HERC2: variants seen among roughly 807,000 people sequenced by gnomAD.
HERC2 encodes HECT and RLD domain containing E3 ubiquitin protein ligase 2.
In HERC2, 102 loss-of-function variants were observed where a neutral mutation model predicts 537.7. The ratio of observed to expected loss-of-function variants is 0.19; its 90% CI spans 0.16 to 0.22. The LOEUF is 0.22. Ranked by LOEUF, HERC2 falls within the 10% of genes least tolerant of loss-of-function variation. The pLI, the probability that HERC2 is intolerant of heterozygous loss-of-function variation, is 1.00. For missense variants in HERC2, 4,236 were observed against 6,198.2 expected, an observed-to-expected ratio of 0.68 and a Z score of 10.63; for synonymous variants, 2,224 against 2,466.2, an observed-to-expected ratio of 0.90 and a Z score of 2.91.
At chr15:28,173,540 C>A (rs1025859071) in intron 65 of HERC2, among the ~76,000 whole-genome samples, 1 of 151,984 alleles carries the variant, frequency 6.6e-6, no homozygotes, top group Non-Finnish European at 1.5e-5. Context: ...GGCTCCTGCC[C>A]ATAATCCCAG....
Position 28,268,235 on chromosome 15 carries a change from C to A in HERC2, c.1598+230G>T, listed in dbSNP as rs2075622579. 6.6e-6 allele frequency among the ~76,000 whole-genome samples: 1 copy of A among 152,118 alleles called. No homozygotes were observed. On this transcript the variant is annotated intron_variant, in intron 12 of 92. Transcript: ENST00000261609. The surrounding 1 kb of genome is among the most constrained non-coding windows in gnomAD (Gnocchi z 4.7). ...TGAGTAGATAGAAGGCTGGCCAAGG[C>A]TGCACGGGGTCAAGAAGAACAGAAA...
chr15:28,204,975 A>T (rs1898263350), intron 45 of HERC2, among the ~76,000 whole-genome samples: 1 of 152,198 alleles, frequency 6.6e-6, no homozygotes, highest in South Asian at 2.1e-4. Context: ...TAGGGGAACA[A>T]AAATCAAGCC....
intron 16 of HERC2, among the ~76,000 whole-genome samples, chr15:28,258,884 A>AGAAT (rs1412081688): frequency 6.6e-6 from 1 of 152,242 alleles, no homozygotes; most frequent in Admixed American, 6.5e-5. Context: ...ATCAGAATCA[A>AGAAT]GAATGAATGA....
intron 21 of HERC2, among the ~76,000 whole-genome samples, chr15:28,247,531 C>T (rs1284293328): frequency 2.0e-5 from 3 of 147,330 alleles, no homozygotes; most frequent in East Asian, 2.0e-4. Context: ...TGGGTTCAAG[C>T]GATTCTCCTG....
Position 28,125,207 on chromosome 15 carries a change from AT to A in HERC2, c.12803-15del, listed in dbSNP as rs1441451998. 2 of 1,596,932 alleles carry A rather than the reference AT, an allele frequency of 1.3e-6. No individual in the cohort carries two copies. The highest frequency in any genetic ancestry group is 2.7e-5 in the African/African-American group (2 of 74,792). On this transcript the variant is annotated splice_polypyrimidine_tract_variant and intron_variant, in intron 83 of 92. Coordinates refer to ENST00000261609, the MANE Select transcript of HERC2 (RefSeq NM_004667.6). ...TATAAACCTCACCTGAATGAAGTGA[AT>A]TTAGAATCAGAACCTGTATACTAGG... is the stretch of plus-strand genomic sequence containing the variant.
chr15:28,138,671 A>T (rs1388577445), intron 78 of HERC2, among the ~76,000 whole-genome samples: 6 of 152,250 alleles, frequency 3.9e-5, no homozygotes, highest in African/African-American at 1.4e-4. Flanking sequence ...GTACAAAGAG[A>T]TTAAAGTTGT....
chr15:28,120,961 G>T (rs1888818487), intron 86 of HERC2, among the ~76,000 whole-genome samples: 1 of 152,178 alleles, frequency 6.6e-6, no homozygotes, highest in East Asian at 1.9e-4. Flanking sequence ...TCCATGGCAG[G>T]GAGGAGAGCA....
At chr15:28,277,538 T>C (rs2346050) in intron 5 of HERC2, among the ~76,000 whole-genome samples, 34,498 of 151,784 alleles carry the variant, frequency 0.23, 7,873 homozygotes, top group African/African-American at 0.57. Flanking sequence ...TCCAATTAAT[T>C]CACCAACCCT....
intron 83 of HERC2, among the ~76,000 whole-genome samples, chr15:28,126,117 G>A (rs1453408085): frequency 6.6e-6 from 1 of 152,040 alleles, no homozygotes; most frequent in Admixed American, 6.5e-5. Flanking sequence ...CTGCAAGAAT[G>A]GCCATAATAA....
At chr15:28,141,665 C>G (rs7495220) in intron 77 of HERC2, 35 bp from the exon 78 acceptor site, 5 of 1,612,420 alleles carry the variant, frequency 3.1e-6, no homozygotes, top group Non-Finnish European at 4.2e-6. Flanking sequence ...TTGCCATGGG[C>G]AAGAACAATG....
At chr15:28,320,904 C>T (rs2077211438) in intron 2 of HERC2, among the ~76,000 whole-genome samples, 1 of 152,022 alleles carries the variant, frequency 6.6e-6, no homozygotes, top group South Asian at 2.1e-4. Context: ...AACAGCTCAA[C>T]TGAACTAACT....
chr15:28,131,136 T>G (rs1284024726), intron 81 of HERC2, among the ~76,000 whole-genome samples: 1 of 152,232 alleles, frequency 6.6e-6, no homozygotes, highest in Admixed American at 6.5e-5. Context: ...TATATTTAAT[T>G]CTGAACTCAA....
At chr15:28,321,602 A>T in intron 1 of HERC2, 138 bp from the exon 2 acceptor site, 1 of 398,852 alleles carries the variant, frequency 2.5e-6, no homozygotes, top group Non-Finnish European at 4.2e-6. Context: ...AGAAGGGGAG[A>T]GAGGGAAAGA....
intron 66 of HERC2, 23 bp downstream of exon 66, chr15:28,169,461 C>A: frequency 2.0e-6 from 3 of 1,525,216 alleles, no homozygotes; most frequent in Middle Eastern, 2.4e-4. Context: ...TGCAGAATTT[C>A]AAAAATTAGC....
Position 28,142,425 on chromosome 15 carries a change from A to C in HERC2, c.11545-32T>G, listed in dbSNP as rs1238548854. On this transcript the variant is annotated intron_variant, in intron 75 of 92. Transcript: ENST00000261609. ...GCACCAAAAATGACAAACTCAGGGA[A>C]ACTCAGAAATGCAGTGAACAGGCCA... 10 of 1,603,500 alleles carry C rather than the reference A, an allele frequency of 6.2e-6. No homozygotes were observed. In the Admixed American group the frequency reaches 6.8e-5, roughly 11 times the overall value.
At chr15:28,236,174 T>C (rs1902424810) in intron 26 of HERC2, among the ~76,000 whole-genome samples, 1 of 152,128 alleles carries the variant, frequency 6.6e-6, no homozygotes, top group South Asian at 2.1e-4. Flanking sequence ...GCACACTTTT[T>C]AGCTTCCTCT....
chr15:28,113,541 T>TGG lies in HERC2; in HGVS notation c.14019+31_14019+32insCC. The stretch of plus-strand genomic sequence containing the variant: ...TGTGGGTCAGCAGGCAAAAGGCAGC[T>TGG]GCAGGGCAGCCCCACCTGGGGGTCG... On this transcript the variant is annotated intron_variant, in intron 91 of 92. Coordinates refer to ENST00000261609, the MANE Select transcript of HERC2 (RefSeq NM_004667.6). This position sits in a 1 kb window ranked among gnomAD's most constrained non-coding sequence, Gnocchi z 7.0. 1.3e-6 allele frequency: 2 copies of TGG among 1,582,622 alleles called. No homozygotes were observed. The highest frequency in any genetic ancestry group is 1.7e-6 in the Non-Finnish European group (2 of 1,151,682).
Position 28,268,408 on chromosome 15 carries a change from T to A in HERC2, c.1598+57A>T. ...ACACACTTCTGCGCTCCATCCTGTT[T>A]AGGATATGGCAACATAAAAGGAGAG... On this transcript the variant is annotated intron_variant, in intron 12 of 92. Transcript: ENST00000261609. The surrounding 1 kb of genome is among the most constrained non-coding windows in gnomAD (Gnocchi z 4.7). 5.2e-6 allele frequency: 8 copies of A among 1,524,506 alleles called. No individual in the cohort carries two copies. Among genetic ancestry groups the A allele is most frequent in the Non-Finnish European group, 7.2e-6 (8 of 1,109,934 alleles). 94.4% of individuals were successfully genotyped at this position (1,524,506 alleles called of 1,614,324 possible).
Position 28,295,483 on chromosome 15 carries a change from T to C in HERC2, c.188-2461A>G, listed in dbSNP as rs145429679. Among the ~76,000 whole-genome samples the C allele has an allele frequency of 8.5e-4, 129 of 152,274 alleles. No homozygotes were observed. In the East Asian group the frequency reaches 0.015, roughly 18 times the overall value. ...ACAACCTCTGCCTCCCAGGTTCAAG[T>C]GATTCTCCCAAGTTCAAGTGATTCT... On this transcript the variant is annotated intron_variant, in intron 3 of 92. Transcript: ENST00000261609.
Sources: gnomAD v4.1 joint callset for allele counts (sites outside exome capture counted in the v4.1 genomes callset) on GRCh38, gnomAD v4.1.1 for gene constraint, Gnocchi (gnomAD v3.1) non-coding constraint, MANE v1.5 for transcripts, NCBI Gene and HGNC (gene_info 2026-07-23, HGNC 2026-07-21) for gene names.